Variants in MYO16 observed in about 807,000 individuals in gnomAD.
The protein encoded by MYO16 is unconventional myosin-XVI.
In MYO16, 94 loss-of-function variants were observed where a neutral mutation model predicts 205.3. The observed-to-expected ratio is 0.46, with a 90% CI of 0.39 to 0.54. The LOEUF (loss-of-function observed/expected upper bound fraction) is 0.54. Ranked by LOEUF, MYO16 falls within the 20% of genes least tolerant of loss-of-function variation. The pLI is 0.00. For synonymous variants in MYO16, 988 were observed against 954.0 expected, an observed-to-expected ratio of 1.04 and a Z score of -0.66; for missense variants, 2,315 against 2,387.5, an observed-to-expected ratio of 0.97 and a Z score of 0.63.
intron 20 of MYO16, among the ~76,000 whole-genome samples, chr13:108,981,324 A>G (rs1464729269): frequency 1.3e-5 from 2 of 152,258 alleles, no homozygotes; most frequent in Non-Finnish European, 2.9e-5. Flanking sequence ...CTTAAATGCC[A>G]TCATCAAGAG....
chr13:108,910,289 C>T, intron 16 of MYO16, 139 bp downstream of exon 16: 1 of 894,904 alleles, frequency 1.1e-6, no homozygotes, highest in Non-Finnish European at 1.7e-6. Flanking sequence ...TAGGTTGAAA[C>T]CATCCACATA....
At chr13:109,103,137 A>C (rs1343292613) in intron 28 of MYO16, among the ~76,000 whole-genome samples, 4 of 152,188 alleles carry the variant, frequency 2.6e-5, no homozygotes, top group Admixed American at 2.6e-4. Flanking sequence ...AAGGAAAAAA[A>C]GATTTTGTTA....
chr13:108,687,698 T>G (rs1882732998), intron 2 of MYO16, among the ~76,000 whole-genome samples: 1 of 152,228 alleles, frequency 6.6e-6, no homozygotes, highest in Admixed American at 6.5e-5. Flanking sequence ...CGAATGTAAA[T>G]TCCAAAATAC....
At chr13:108,677,057 T>TATTC (rs968145958) in intron 2 of MYO16, among the ~76,000 whole-genome samples, 13 of 152,114 alleles carry the variant, frequency 8.5e-5, no homozygotes, top group African/African-American at 2.7e-4. Context: ...ATTCCTTAAT[T>TATTC]ATTCATTCAT....
At chr13:109,137,901 C>T (rs968646601) in intron 31 of MYO16, among the ~76,000 whole-genome samples, 1 of 152,204 alleles carries the variant, frequency 6.6e-6, no homozygotes, top group African/African-American at 2.4e-5. Context: ...TGACCCTCAC[C>T]CTGGCCTGTT....
rs1888941806 is a variant in MYO16, at chr13:109,100,849, C to T, written c.3400C>T (p.Arg1134Ter). ...KKEQSAAERC[R>*]LVLQQCKLQG... ...GGAACAGTCAGCTGCCGAGCGATGT[C>T]GACTTGTTCTCCAGCAGTGTAAATT... Residue 1134 changes from arginine to a stop codon, truncating the protein, a stop_gained, in exon 28 of 35, where the codon CGA becomes TGA. Coordinates refer to ENST00000457511, the MANE Select transcript of MYO16 (RefSeq NM_001198950.3). LOFTEE classifies it high-confidence loss of function. The T allele has an allele frequency of 2.5e-6, 4 of 1,613,464 alleles. No homozygotes were observed. The highest frequency in any genetic ancestry group is 3.4e-6 in the Non-Finnish European group (4 of 1,179,496).
At chr13:108,496,338 G>T in the MYO16 span, among the ~76,000 whole-genome samples, 4 of 152,328 alleles carry the variant, frequency 2.6e-5, no homozygotes, top group South Asian at 6.2e-4. Context: ...CTACACAACC[G>T]CTCCCAGGCG....
chr13:109,036,067 C>G (rs1406428132), intron 23 of MYO16, among the ~76,000 whole-genome samples: 2 of 152,212 alleles, frequency 1.3e-5, no homozygotes, highest in East Asian at 3.8e-4. Context: ...GCATTATTCT[C>G]TCACTCGGTA....
intron 23 of MYO16, among the ~76,000 whole-genome samples, chr13:109,039,561 G>A (rs993383068): frequency 2.0e-5 from 3 of 152,136 alleles, no homozygotes; most frequent in Non-Finnish European, 4.4e-5. Context: ...CCAAATCTCT[G>A]TATACTTGGA....
chr13:108,509,788 A>G, the MYO16 span, among the ~76,000 whole-genome samples: 2 of 152,198 alleles, frequency 1.3e-5, no homozygotes, highest in African/African-American at 2.4e-5. Flanking sequence ...CCTAAAACTT[A>G]AAGTATAATA....
chr13:108,577,606 A>G, the MYO16 span, among the ~76,000 whole-genome samples: 2 of 152,162 alleles, frequency 1.3e-5, no homozygotes, highest in Admixed American at 6.5e-5. Context: ...AATGCTTCCA[A>G]TCCACTGTGT....
intron 24 of MYO16, among the ~76,000 whole-genome samples, chr13:109,049,740 A>G (rs960647296): frequency 6.6e-6 from 1 of 152,114 alleles, no homozygotes; most frequent in Non-Finnish European, 1.5e-5. Context: ...TGGCTATACT[A>G]TTATGTATTT....
chr13:108,989,737 T>A (rs1884759798), intron 20 of MYO16, among the ~76,000 whole-genome samples: 1 of 152,172 alleles, frequency 6.6e-6, no homozygotes, highest in Non-Finnish European at 1.5e-5. Flanking sequence ...TAAATTGTTT[T>A]TGAGGAAGGC....
chr13:108,792,654 G>A (rs1057397979), intron 5 of MYO16, among the ~76,000 whole-genome samples: 2 of 151,762 alleles, frequency 1.3e-5, no homozygotes, highest in Non-Finnish European at 2.9e-5. Context: ...TGGGATTATA[G>A]ACACTTGCCA....
chr13:108,539,517 C>T, the MYO16 span, among the ~76,000 whole-genome samples: 1 of 152,080 alleles, frequency 6.6e-6, no homozygotes, highest in East Asian at 1.9e-4. Flanking sequence ...TGATGATGAA[C>T]CTCCCTGTGG....
At chr13:108,681,852 A>T (rs534392296) in intron 2 of MYO16, among the ~76,000 whole-genome samples, 1 of 152,334 alleles carries the variant, frequency 6.6e-6, no homozygotes, top group Non-Finnish European at 1.5e-5. Context: ...CTACATTGCT[A>T]TTCATGGTCC....
In MYO16 at chr13:109,092,666, C is replaced by G. The variant is rs536101614; in HGVS notation, c.3336-8119C>G. Among the ~76,000 whole-genome samples, 3 of 152,246 alleles carry G rather than the reference C, an allele frequency of 2.0e-5. No homozygotes were observed. The East Asian group carries it at 5.8e-4, about 29-fold the overall frequency. On this transcript the variant is annotated intron_variant, in intron 27 of 34. Transcript: ENST00000457511. ...GATGAAATAATAGGTACAACAAACC[C>G]CCTGACACATGTTTACCTATGTAAC...
intron 14 of MYO16, among the ~76,000 whole-genome samples, chr13:108,896,075 A>G (rs1415769464): frequency 2.6e-5 from 4 of 152,194 alleles, no homozygotes; most frequent in Non-Finnish European, 5.9e-5. Flanking sequence ...AGGCACATGC[A>G]TTTAACCATT....
At chr13:108,900,299 TC>T (rs1880646370) in intron 15 of MYO16, among the ~76,000 whole-genome samples, 2 of 152,134 alleles carry the variant, frequency 1.3e-5, no homozygotes, top group South Asian at 4.1e-4. Flanking sequence ...GAACACTTGG[TC>T]CCTCACATCT....
Sources: allele counts gnomAD v4.1 joint callset (sites outside exome capture counted in the v4.1 genomes callset), GRCh38; gene constraint gnomAD v4.1.1; transcripts MANE v1.5; gene names NCBI Gene and HGNC (gene_info 2026-07-23, HGNC 2026-07-21).